Variants in GLB1L observed in about 807,000 individuals in gnomAD.
GLB1L encodes galactosidase beta 1 like.
In GLB1L, 58 loss-of-function variants were observed where a neutral mutation model predicts 75.7. The observed-to-expected ratio is 0.77, with a 90% CI of 0.62 to 0.95. The LOEUF (loss-of-function observed/expected upper bound fraction) is 0.95, where lower values mean the gene tolerates loss of function less well. GLB1L is among the 40% of genes least tolerant of loss of function. The probability of loss-of-function intolerance (pLI) is 0.00; values close to 1 mark genes in which losing one functional copy is unlikely to be tolerated. For missense variants in GLB1L, 797 were observed against 805.5 expected (o/e 0.99, Z 0.13); for synonymous variants, 296 against 303.0 (o/e 0.98, Z 0.24).
At chr2:219,237,430 CAG>C (rs1489919800) in intron 16 of GLB1L, 80 bp downstream of exon 16, 2 of 1,599,414 alleles carry the variant, frequency 1.3e-6, no homozygotes, top group South Asian at 1.1e-5. Context: ...GGTTTCTAAT[CAG>C]AGGATACTTT....
In GLB1L at chr2:219,242,548, T is replaced by C. The variant is rs747292986; in HGVS notation, c.417A>G (p.Arg139=). The change falls in exon 5 of 17, where the codon CGA becomes CGG. Residue 139 remains arginine (R), a synonymous_variant. Coordinates refer to ENST00000295759, the MANE Select transcript of GLB1L (RefSeq NM_001286423.2). Reference sequence around the variant, plus strand: ...AGGTTCTTAGATGAATTTCAGGTTTTCGAAGCAACCAGGATGGGAGACCCC... The same window carrying C: ...AGGTTCTTAGATGAATTTCAGGTTTCCGAAGCAACCAGGATGGGAGACCCC... ...EMGGLPSWLL[R]KPEIHLRTSD... is the part of the protein sequence containing the mutation. The C allele has an allele frequency of 1.9e-6, 3 of 1,613,920 alleles. No individual in the cohort carries two copies. In the East Asian group the frequency reaches 6.7e-5, roughly 36 times the overall value.
chr2:219,239,979 G>A lies in GLB1L; in HGVS notation c.662C>T (p.Pro221Leu). The A allele has an allele frequency of 1.9e-6, 3 of 1,614,126 alleles. No individual in the cohort carries two copies. Among genetic ancestry groups the A allele is most frequent in the Non-Finnish European group, 2.5e-6 (3 of 1,180,054 alleles). The stretch of plus-strand genomic sequence containing the variant: ...GAGGGAGCCACACTTGAGTCCTTCA[G>A]GCCCATCTGTGGTGAAGAGCAAGAT... ...EKILLFTTDG[P>L]EGLKCGSLRG... is the part of the protein sequence containing the mutation. The change falls in exon 7 of 17, where the codon CCT becomes CTT. Residue 221 changes from proline to leucine, a missense_variant. By Grantham distance (98) the Pro-to-Leu change is moderately conservative (BLOSUM62 -3). Coordinates refer to ENST00000295759, the MANE Select transcript of GLB1L (RefSeq NM_001286423.2).
chr2:219,238,428 A>G, intron 13 of GLB1L, 65 bp from the exon 14 acceptor site: 2 of 1,567,902 alleles, frequency 1.3e-6, no homozygotes, highest in East Asian at 2.2e-5. Flanking sequence ...GACTATAGCC[A>G]AGGAACTTTT....
intron 3 of GLB1L, 25 bp downstream of exon 3, chr2:219,243,123 C>T (rs779716133): frequency 1.9e-6 from 3 of 1,581,508 alleles, no homozygotes; most frequent in East Asian, 4.5e-5. Flanking sequence ...CCCATCCCTC[C>T]GCGGCTCTTG....
At chr2:219,241,465 T>TATATATATATATACAC (rs1457421471) in intron 5 of GLB1L, among the ~76,000 whole-genome samples, 29 of 136,492 alleles carry the variant, frequency 2.1e-4, no homozygotes, top group Admixed American at 7.4e-4. Flanking sequence ...TATATATATA[T>TATATATATATATACAC]ACATACATAT....
intron 11 of GLB1L, 110 bp from the exon 12 acceptor site, chr2:219,238,889 T>C (rs1951319016): frequency 3.1e-6 from 3 of 956,560 alleles, no homozygotes; most frequent in African/African-American, 1.7e-5. Flanking sequence ...GCTTCAGGGA[T>C]CATGGAGGCT....
At position 219,240,201 on chromosome 2, in the gene GLB1L, A is replaced by G. The variant is rs780884416; in HGVS notation, c.536T>C (p.Ile179Thr). The G allele has an allele frequency of 4.3e-6, 7 of 1,614,190 alleles. No homozygotes were observed. The highest frequency in any genetic ancestry group is 5.9e-6 in the Non-Finnish European group (7 of 1,179,986). ...PWLYHNGGNI[I>T]SIQVENEYGS... ...ACTTCCCCCTTGTACCTGAATGCTA[A>G]TGATGTTGCCCCCATTGTGATAAAG... The change falls in exon 6 of 17, where the codon ATT becomes ACT. Residue 179 changes from isoleucine to threonine, a missense_variant. Ile to Thr is a moderately conservative substitution (Grantham distance 89). Transcript: ENST00000295759.
chr2:219,242,654 G>A (rs1411430200), intron 4 of GLB1L, 80 bp from the exon 5 acceptor site: 6 of 1,529,446 alleles, frequency 3.9e-6, no homozygotes, highest in Non-Finnish European at 4.5e-6. Flanking sequence ...AGGGAAGGAA[G>A]GAAGGGAAGG....
Position 219,236,617 on chromosome 2 carries a change from C to T in GLB1L, c.*455G>A. ...GAGGTATGTGGAGCTGGTACTGTCT[C>T]TGGAATTTTAATCACAATAAAGTTT... On this transcript the variant is annotated 3_prime_UTR_variant, in exon 17 of 17. Transcript: ENST00000295759. 2 of 851,280 alleles carry T rather than the reference C, an allele frequency of 2.3e-6. No individual in the cohort carries two copies. The highest frequency in any genetic ancestry group is 2.0e-5 in the South Asian group (1 of 50,240). The allele number at this position is 851,280 out of a possible 1,614,324, so 52.7% of individuals were successfully genotyped here.
At position 219,237,439 on chromosome 2, in the gene GLB1L, C is replaced by G. The variant is rs534248238; in HGVS notation, c.1689+73G>C. On this transcript the variant is annotated intron_variant, in intron 16 of 16. Transcript: ENST00000295759. ...CTTTTGGGTTTCTAATCAGAGGATA[C>G]TTTCTGCTCCCCTCCTTCTGTGATT... The G allele has an allele frequency of 8.7e-6, 14 of 1,601,364 alleles. No individual in the cohort carries two copies. The Admixed American group carries it at 1.5e-4, about 17-fold the overall frequency.
chr2:219,243,341 GCAGACGCCT>G (rs768998165), intron 2 of GLB1L, 27 bp from the exon 3 acceptor site: 1 of 1,590,022 alleles, frequency 6.3e-7, no homozygotes, highest in South Asian at 1.1e-5. Context: ...ACGCTGCTCA[GCAGACGCCT>G]GGAGGGAGCG....
rs770720524 is a variant in GLB1L at position 219,242,819 on chromosome 2, G to A, written c.339C>T (p.Asn113=). 5.6e-6 allele frequency: 9 copies of A among 1,614,082 alleles called. No individual in the cohort carries two copies. The highest frequency in any genetic ancestry group is 7.6e-6 in the Non-Finnish European group (9 of 1,180,044). Residue 113 remains asparagine (N), a synonymous_variant, in exon 4 of 17, where the codon AAC becomes AAT. Transcript: ENST00000295759. The stretch of plus-strand genomic sequence containing the variant: ...GTCCTGGTCTCAGTATGACCAACAG[G>A]TTCGCTAGAGCTGCCTCATTCAGAA... The part of the protein sequence containing the change: ...IAFLNEAALA[N]LLVILRPGPY...
In GLB1L at chr2:219,243,409, G is replaced by T. The variant is rs534272675; in HGVS notation, c.72+93C>A. 3.5e-5 allele frequency: 55 copies of T among 1,592,794 alleles called. No individual in the cohort carries two copies. The Admixed American group carries it at 9.2e-4, about 27-fold the overall frequency. The stretch of plus-strand genomic sequence containing the variant: ...GCGGAAGAGATGGAACTAGCCCTGC[G>T]GGTTGTTTGGTTGTTACTTTGGACT... On this transcript the variant is annotated intron_variant, in intron 2 of 16. Transcript: ENST00000295759.
intron 6 of GLB1L, 41 bp from the exon 7 acceptor site, chr2:219,240,135 G>T (rs1473379061): frequency 6.2e-7 from 1 of 1,613,186 alleles, no homozygotes. Context: ...CTATGGGATG[G>T]AGGTCAAGGA....
intron 1 of GLB1L, 164 bp from the exon 2 acceptor site, chr2:219,243,807 G>C (rs1027777114): frequency 8.3e-5 from 41 of 495,808 alleles, no homozygotes; most frequent in South Asian, 5.1e-4. Flanking sequence ...CTGGGAACTT[G>C]TTAGAAATGG....
intron 5 of GLB1L, among the ~76,000 whole-genome samples, chr2:219,242,140 A>G (rs544756610): frequency 6.6e-6 from 1 of 152,096 alleles, no homozygotes; most frequent in South Asian, 2.1e-4. Flanking sequence ...GGTGCCCACC[A>G]CCTCGCCCAG....
rs1457421471 is a variant in GLB1L, at chr2:219,241,465, T to TATAC, written c.451+1048_451+1049insGTAT. Reference sequence around the variant, plus strand: ...GTGTATATATATATATATATATATATACATACATATATATGTATGTATAGA... The same window carrying TATAC: ...GTGTATATATATATATATATATATATATACACATACATATATATGTATGTATAGA... On this transcript the variant is annotated intron_variant, in intron 5 of 16. Coordinates refer to ENST00000295759, the MANE Select transcript of GLB1L (RefSeq NM_001286423.2). Among the ~76,000 whole-genome samples, 475 of 136,436 alleles carry TATAC rather than the reference T, an allele frequency of 3.5e-3. 1 individual carries two copies. The highest frequency in any genetic ancestry group is 0.011 in the Middle Eastern group (3 of 272). The allele number at this position is 136,436 out of a possible 152,430, so 89.5% of individuals were successfully genotyped here.
At chr2:219,241,814 A>G (rs548295589) in intron 5 of GLB1L, among the ~76,000 whole-genome samples, 1 of 152,094 alleles carries the variant, frequency 6.6e-6, no homozygotes, top group African/African-American at 2.4e-5. Context: ...CTTGAACAGG[A>G]TCACACTGGC....
chr2:219,243,350 T>C, intron 2 of GLB1L, 36 bp from the exon 3 acceptor site: 2 of 1,592,758 alleles, frequency 1.3e-6, no homozygotes, highest in South Asian at 2.2e-5. Context: ...AGCAGACGCC[T>C]GGAGGGAGCG....
Sources: allele counts gnomAD v4.1 joint callset (sites outside exome capture counted in the v4.1 genomes callset), GRCh38; gene constraint gnomAD v4.1.1; transcripts MANE v1.5; gene names NCBI Gene and HGNC (gene_info 2026-07-23, HGNC 2026-07-21).